Variants in DST observed in about 807,000 individuals in gnomAD.
The protein encoded by DST is bullous pemphigoid antigen.
A neutral mutation model predicts 875.2 loss-of-function variants in DST; 253 were observed. That is an observed-to-expected ratio of 0.29 (90% CI 0.26 to 0.32). The LOEUF is 0.32. DST is among the 10% of genes least tolerant of loss of function. The probability of loss-of-function intolerance (pLI) is 1.00; values close to 1 mark genes in which losing one functional copy is unlikely to be tolerated. For synonymous variants in DST, 3,124 were observed against 3,197.1 expected, an observed-to-expected ratio of 0.98 and a Z score of 0.77; for missense variants, 8,287 against 9,111.6, an observed-to-expected ratio of 0.91 and a Z score of 3.68.
chr6:56,611,276 T>C (rs535138415), intron 38 of DST, among the ~76,000 whole-genome samples: 59 of 152,330 alleles, frequency 3.9e-4, no homozygotes, highest in African/African-American at 1.4e-3. Context: ...TCTCTGAGCC[T>C]GTTTCCTTAT....
intron 5 of DST, among the ~76,000 whole-genome samples, chr6:56,713,880 C>T (rs904959049): frequency 6.6e-6 from 1 of 152,198 alleles, no homozygotes; most frequent in Non-Finnish European, 1.5e-5. Context: ...CTAATTCACT[C>T]CTCTTTAAAC....
intron 61 of DST, among the ~76,000 whole-genome samples, chr6:56,547,409 G>A (rs925782947): frequency 1.3e-5 from 2 of 152,066 alleles, no homozygotes; most frequent in African/African-American, 4.8e-5. Context: ...CATGCATCTA[G>A]TTACAGTGTC....
At chr6:56,701,512 T>TAC (rs113422139) in intron 8 of DST, among the ~76,000 whole-genome samples, 11,900 of 152,098 alleles carry the variant, frequency 0.078, 1,472 homozygotes, top group African/African-American at 0.26. Flanking sequence ...TATTTTTATA[T>TAC]ACTAAGTGTA....
chr6:56,587,090 G>T (rs2098168738), intron 49 of DST, among the ~76,000 whole-genome samples: 2 of 152,124 alleles, frequency 1.3e-5, no homozygotes, highest in African/African-American at 4.8e-5. Context: ...AGAGAAGAAG[G>T]CTTCAGACGA....
chr6:56,501,190 C>T lies in DST; in HGVS notation c.19786G>A (p.Ala6596Thr). The change falls in exon 80 of 104, where the codon GCC (alanine) becomes ACC (threonine). Residue 6596 changes from alanine (A) to threonine (T), a missense_variant. Physicochemically the swap from Ala to Thr is moderately conservative, Grantham distance 58. Around this residue, in one of 10 missense-constraint regions of DST, gnomAD observed 1,292 missense variants for 1,552.7 expected, o/e 0.83. Coordinates refer to ENST00000680361, the MANE Select transcript of DST (RefSeq NM_001374736.1). The part of the protein sequence containing the change: ...ALLALGQFQH[A>T]LDELLAWLTH... ...AGCCATGCCAGGAGCTCATCCAGGG[C>T]ATGTTGGAACTGACCCAAGGCTAAT... The T allele has an allele frequency of 6.2e-7, 1 of 1,611,744 alleles. No homozygotes were observed. Among genetic ancestry groups the T allele is most frequent in the Non-Finnish European group, 8.5e-7 (1 of 1,178,886 alleles).
rs771956393 is a variant in DST at position 56,470,118 on chromosome 6, TAATG to T, written c.22476+6_22476+9del. On this transcript the variant is annotated splice_donor_region_variant and intron_variant, in intron 96 of 103. Transcript: ENST00000680361. The stretch of plus-strand genomic sequence containing the variant: ...ATCAGTGTTGTACGCAATGGGAAGA[TAATG>T]AGTACCTCATCTTCGATTTTGTCGG... 1.2e-6 allele frequency: 2 copies of T among 1,611,548 alleles called. No homozygotes were observed. The highest frequency in any genetic ancestry group is 4.5e-5 in the East Asian group (2 of 44,830).
chr6:56,705,488 G>GT (rs2099329468), intron 5 of DST, among the ~76,000 whole-genome samples: 1 of 152,104 alleles, frequency 6.6e-6, no homozygotes, highest in Non-Finnish European at 1.5e-5. Context: ...AACTTTTATG[G>GT]TAAGTCTCTC....
Position 56,552,982 on chromosome 6 carries a change from G to C in DST, c.15810C>G (p.Asn5270Lys). The C allele has an allele frequency of 6.2e-7, 1 of 1,613,940 alleles. No homozygotes were observed. The highest frequency in any genetic ancestry group is 8.5e-7 in the Non-Finnish European group (1 of 1,179,874). Residue 5270 changes from asparagine to lysine, a missense_variant, in exon 61 of 104, where the codon AAC becomes AAG. Around this residue, in one of 10 missense-constraint regions of DST, gnomAD observed 1,513 missense variants for 1,677.8 expected, o/e 0.90. Coordinates refer to ENST00000680361, the MANE Select transcript of DST (RefSeq NM_001374736.1). ...GAAATTCTTTAAACTTCTGAGTCAT[G>C]TTCTCCAGACAGAATTTCTTACTGT... ...QLHSKKFCLE[N>K]MTQKFKEFQE...
chr6:56,607,731 AG>A lies in DST; in HGVS notation c.6896del (p.Ala2299ValfsTer2), dbSNP rs1405177971. 1 of 1,613,522 alleles carries A rather than the reference AG, an allele frequency of 6.2e-7. No homozygotes were observed. The highest frequency in any genetic ancestry group is 8.5e-7 in the Non-Finnish European group (1 of 1,179,702). ...HEETPENRKC[A>X]IDEEFNEMRN... Reference sequence around the variant, plus strand: ...TCATTTCATTAAATTCTTCATCTATAGCACACTTTCTATTTTCAGGAGTCTC... The same window carrying A: ...TCATTTCATTAAATTCTTCATCTATACACACTTTCTATTTTCAGGAGTCTC... On this transcript the variant is annotated frameshift_variant, in exon 40 of 104. Coordinates refer to ENST00000680361, the MANE Select transcript of DST (RefSeq NM_001374736.1). LOFTEE classifies it high-confidence loss of function.
chr6:56,527,649 G>A lies in DST; in HGVS notation c.17766C>T (p.Ala5922=), dbSNP rs754539313. 9 of 1,613,692 alleles carry A rather than the reference G, an allele frequency of 5.6e-6. No individual in the cohort carries two copies. Among genetic ancestry groups the A allele is most frequent in the South Asian group, 2.2e-5 (2 of 91,064 alleles). The change falls in exon 68 of 104, where the codon GCC becomes GCT. Residue 5922 remains alanine (A), a synonymous_variant. Transcript: ENST00000680361. ...GCTGCAGCGCCTGTTCCAGAGTCTTGGCCACATCAGTGCTCAGTTTAGTAA... is the reference window on the plus strand; with the variant it reads ...GCTGCAGCGCCTGTTCCAGAGTCTTAGCCACATCAGTGCTCAGTTTAGTAA... ...KDITKLSTDV[A]KTLEQALQLA... is the part of the protein sequence containing the mutation.
chr6:56,780,412 G>A (rs1265295514), intron 4 of DST, among the ~76,000 whole-genome samples: 3 of 150,890 alleles, frequency 2.0e-5, no homozygotes, highest in Non-Finnish European at 2.9e-5. Flanking sequence ...TTTAATGATT[G>A]CCATTCTAAC....
intron 2 of DST, among the ~76,000 whole-genome samples, chr6:56,923,331 T>G (rs994923693): frequency 1.3e-5 from 2 of 151,764 alleles, no homozygotes; most frequent in Non-Finnish European, 1.5e-5. Context: ...ACCAGGAAGT[T>G]TTATTTGGGA....
intron 50 of DST, among the ~76,000 whole-genome samples, chr6:56,577,863 G>A (rs1392191481): frequency 2.0e-5 from 3 of 152,136 alleles, no homozygotes; most frequent in African/African-American, 7.2e-5. Context: ...ACTAAATACT[G>A]TGGTTAGATA....
intron 51 of DST, 44 bp downstream of exon 51, chr6:56,573,635 T>C: frequency 6.7e-7 from 1 of 1,498,624 alleles, no homozygotes. Context: ...TAAAACTGTT[T>C]TTTTAAAAAA....
chr6:56,692,077 A>G (rs1321886511), intron 9 of DST, among the ~76,000 whole-genome samples: 1 of 152,212 alleles, frequency 6.6e-6, no homozygotes, highest in Non-Finnish European at 1.5e-5. Context: ...TTCCACAGGC[A>G]AAGTCAAGAA....
rs781039354 is a variant in DST, at chr6:56,471,140, C to T, written c.22287G>A (p.Thr7429=). ...GAATTCCATCAATAAATTCCTGCCG[C>T]GTTATTTTCCCATCCTGGTCTTTAT... is the stretch of plus-strand genomic sequence containing the variant. ...RIDKDQDGKI[T]RQEFIDGILS... is the part of the protein sequence containing the mutation. The change falls in exon 95 of 104, where the codon ACG becomes ACA. Residue 7429 remains threonine (T), a synonymous_variant. Transcript: ENST00000680361. The T allele has an allele frequency of 1.1e-5, 18 of 1,611,284 alleles. No homozygotes were observed. The highest frequency in any genetic ancestry group is 6.7e-5 in the East Asian group (3 of 44,832).
chr6:56,565,598 T>C (rs539724314), intron 55 of DST, among the ~76,000 whole-genome samples: 13 of 152,210 alleles, frequency 8.5e-5, no homozygotes, highest in Non-Finnish European at 1.8e-4. Flanking sequence ...ATCTGCTAGA[T>C]GCCAGCTGGA....
chr6:56,679,342 C>T (rs1428968843), intron 9 of DST, among the ~76,000 whole-genome samples: 1 of 152,078 alleles, frequency 6.6e-6, no homozygotes, highest in African/African-American at 2.4e-5. Flanking sequence ...AAGCATACCA[C>T]CATGTGGACT....
At chr6:56,493,537 C>T (rs939779597) in intron 83 of DST, among the ~76,000 whole-genome samples, 3 of 151,190 alleles carry the variant, frequency 2.0e-5, no homozygotes, top group Admixed American at 1.3e-4. Context: ...GTCAGTTTTG[C>T]GGTTTTAAAA....
Sources: gnomAD v4.1 joint callset for allele counts (sites outside exome capture counted in the v4.1 genomes callset) on GRCh38, gnomAD v4.1.1 for gene constraint, gnomAD v4.1.1 regional missense constraint, MANE v1.5 for transcripts, NCBI Gene and HGNC (gene_info 2026-07-23, HGNC 2026-07-21) for gene names.